Variants in CNTN6 observed in about 807,000 individuals in gnomAD.
CNTN6 encodes the protein contactin-6.
Under a neutral mutation model 122.8 loss-of-function variants are expected in CNTN6, and 137 were observed. The observed-to-expected ratio is 1.12, with a 90% CI of 0.97 to 1.29. The LOEUF (loss-of-function observed/expected upper bound fraction) is 1.29. Ranked by LOEUF, CNTN6 falls within the 50% of genes most tolerant of loss-of-function variation. The pLI, the probability that CNTN6 is intolerant of heterozygous loss-of-function variation, is 0.00. For missense variants in CNTN6, 1,634 were observed against 1,223.4 expected, an observed-to-expected ratio of 1.34 and a Z score of -5.01; for synonymous variants, 570 against 426.0, an observed-to-expected ratio of 1.34 and a Z score of -4.16.
At chr3:1,397,933 TGAAAA>T (rs1424110054) in intron 20 of CNTN6, among the ~76,000 whole-genome samples, 2 of 152,116 alleles carry the variant, frequency 1.3e-5, no homozygotes, top group East Asian at 3.9e-4. Context: ...GAACTACAGT[TGAAAA>T]GAAATGCCAT....
At chr3:1,147,640 A>T (rs2092750625) in intron 1 of CNTN6, among the ~76,000 whole-genome samples, 1 of 152,084 alleles carries the variant, frequency 6.6e-6, no homozygotes, top group Non-Finnish European at 1.5e-5. Context: ...CACTGCTAGA[A>T]ATTGATTTCT....
chr3:1,163,490 C>T (rs1381643858), intron 2 of CNTN6, among the ~76,000 whole-genome samples: 1 of 152,198 alleles, frequency 6.6e-6, no homozygotes, highest in Non-Finnish European at 1.5e-5. Context: ...TAGCTCACTA[C>T]AGCCTCGAAC....
At chr3:1,350,067 T>G (rs1377824808) in intron 11 of CNTN6, among the ~76,000 whole-genome samples, 1 of 151,896 alleles carries the variant, frequency 6.6e-6, no homozygotes, top group Admixed American at 6.6e-5. Flanking sequence ...TTTCATAAGA[T>G]CATAAGTAAG....
intron 10 of CNTN6, 73 bp downstream of exon 10, chr3:1,327,659 C>G (rs1351434610): frequency 3.4e-6 from 5 of 1,469,138 alleles, no homozygotes; most frequent in Non-Finnish European, 4.6e-6. Context: ...TAATCCCAAC[C>G]CAATTTTTTT....
intron 7 of CNTN6, among the ~76,000 whole-genome samples, chr3:1,310,859 G>T (rs1051283918): frequency 2.6e-5 from 4 of 152,012 alleles, no homozygotes; most frequent in African/African-American, 9.7e-5. Flanking sequence ...AAATCAGCTG[G>T]GTGTGGTGGT....
At chr3:1,104,819 T>G (rs2091140469) in intron 1 of CNTN6, among the ~76,000 whole-genome samples, 1 of 152,158 alleles carries the variant, frequency 6.6e-6, no homozygotes, top group Non-Finnish European at 1.5e-5. Context: ...TTATAGCTTG[T>G]TTTTATTAAT....
At chr3:1,177,732 A>T (rs72999843) in intron 2 of CNTN6, among the ~76,000 whole-genome samples, 2,096 of 151,910 alleles carry the variant, frequency 0.014, 26 homozygotes, top group Non-Finnish European at 0.019. Flanking sequence ...TACATGCATG[A>T]TTTCTGAAGG....
Position 1,377,789 on chromosome 3 carries a change from G to T in CNTN6, c.2166+714G>T, listed in dbSNP as rs568883600. ...CACAGTGTTACCTCTGGATTCTCCA[G>T]AGCTGTAGAAGGTTGGTGTTGGTAG... On this transcript the variant is annotated intron_variant, in intron 17 of 22. Coordinates refer to ENST00000446702, the MANE Select transcript of CNTN6 (RefSeq NM_001289080.2). Among the ~76,000 whole-genome samples, 88 of 152,234 alleles carry T rather than the reference G, an allele frequency of 5.8e-4. 1 individual carries two copies. The highest frequency in any genetic ancestry group is 1.2e-3 in the Non-Finnish European group (80 of 68,006).
intron 12 of CNTN6, among the ~76,000 whole-genome samples, chr3:1,358,356 T>C (rs1199989342): frequency 6.6e-6 from 1 of 152,012 alleles, no homozygotes; most frequent in African/African-American, 2.4e-5. Context: ...TTAGTAAATT[T>C]ACCTTGACTC....
intron 4 of CNTN6, among the ~76,000 whole-genome samples, chr3:1,268,439 C>A (rs1460006245): frequency 2.0e-5 from 3 of 151,914 alleles, no homozygotes; most frequent in Non-Finnish European, 4.4e-5. Flanking sequence ...AACCCCGTCT[C>A]TACTAAAAAT....
intron 1 of CNTN6, among the ~76,000 whole-genome samples, chr3:1,127,444 C>A (rs533394317): frequency 8.2e-4 from 124 of 151,934 alleles, no homozygotes; most frequent in Middle Eastern, 3.4e-3. Flanking sequence ...TCAAATTTAT[C>A]TGTACTGATA....
At chr3:1,198,863 A>G (rs1288921707) in intron 2 of CNTN6, among the ~76,000 whole-genome samples, 2 of 152,206 alleles carry the variant, frequency 1.3e-5, no homozygotes, top group Non-Finnish European at 2.9e-5. Context: ...CGCATATGTA[A>G]TTTGTTAAAA....
At chr3:1,332,000 G>T (rs949092402) in intron 11 of CNTN6, among the ~76,000 whole-genome samples, 4 of 151,836 alleles carry the variant, frequency 2.6e-5, no homozygotes, top group East Asian at 1.9e-4. Context: ...GCTCAGCATT[G>T]TCTCTCTGTG....
At chr3:1,379,184 C>CG (rs1710303908) in intron 17 of CNTN6, among the ~76,000 whole-genome samples, 1 of 124,332 alleles carries the variant, frequency 8.0e-6, no homozygotes, top group Non-Finnish European at 1.7e-5. Context: ...GCATGAATTA[C>CG]CAAAGAATAC....
At chr3:1,324,700 T>C (rs570164981) in intron 8 of CNTN6, among the ~76,000 whole-genome samples, 3 of 149,582 alleles carry the variant, frequency 2.0e-5, no homozygotes, top group East Asian at 2.0e-4. Flanking sequence ...AGCCTTGCAT[T>C]GACTTTTTTT....
At chr3:1,206,558 T>G (rs1375323270) in intron 2 of CNTN6, among the ~76,000 whole-genome samples, 1 of 152,142 alleles carries the variant, frequency 6.6e-6, no homozygotes, top group East Asian at 1.9e-4. Flanking sequence ...TAATGTAGTA[T>G]CCCATCTCAA....
chr3:1,117,497 C>A (rs1172257649), intron 1 of CNTN6, among the ~76,000 whole-genome samples: 1 of 152,078 alleles, frequency 6.6e-6, no homozygotes, highest in Non-Finnish European at 1.5e-5. Context: ...TACTGTGTGA[C>A]CTTACTAAGT....
intron 11 of CNTN6, among the ~76,000 whole-genome samples, chr3:1,347,640 A>G (rs1704941221): frequency 6.6e-6 from 1 of 152,166 alleles, no homozygotes; most frequent in African/African-American, 2.4e-5. Context: ...AGTGAGAATC[A>G]GAAATAGTAA....
intron 5 of CNTN6, among the ~76,000 whole-genome samples, chr3:1,282,428 C>T (rs1299772500): frequency 6.6e-6 from 1 of 152,146 alleles, no homozygotes; most frequent in African/African-American, 2.4e-5. Context: ...TTTATCATTT[C>T]AAAATGTGGA....
Sources: allele counts gnomAD v4.1 joint callset (sites outside exome capture counted in the v4.1 genomes callset), GRCh38; gene constraint gnomAD v4.1.1; transcripts MANE v1.5; gene names NCBI Gene and HGNC (gene_info 2026-07-23, HGNC 2026-07-21).